The following UMAD1 variants were observed in gnomAD, a reference collection of about 807,000 sequenced individuals.
UMAD1 encodes the protein UBAP1-MVB12-associated (UMA) domain containing 1.
A neutral mutation model predicts 6.1 loss-of-function variants in UMAD1; 8 were observed. The observed-to-expected ratio is 1.30, with a 90% confidence interval of 0.76 to 2.35. The LOEUF (loss-of-function observed/expected upper bound fraction) is 2.35. Ranked by LOEUF, UMAD1 falls within the 30% of genes most tolerant of loss-of-function variation. The probability of loss-of-function intolerance (pLI) is 0.00; values close to 1 mark genes in which losing one functional copy is unlikely to be tolerated. For missense variants in UMAD1, 130 were observed against 78.4 expected (o/e 1.66, Z -2.49); for synonymous variants, 56 against 31.4 (o/e 1.78, Z -2.61).
At chr7:7,701,426 A>G (rs1357975221) in intron 2 of UMAD1, among the ~76,000 whole-genome samples, 1 of 152,192 alleles carries the variant, frequency 6.6e-6, no homozygotes, top group Non-Finnish European at 1.5e-5. Context: ...AATTAGTAAT[A>G]CTGGAACTGT....
intron 2 of UMAD1, among the ~76,000 whole-genome samples, chr7:7,733,867 A>G (rs1013127723): frequency 2.0e-5 from 3 of 152,042 alleles, no homozygotes; most frequent in Non-Finnish European, 2.9e-5. Context: ...GACTTCTGTC[A>G]CACATAATAT....
intron 2 of UMAD1, among the ~76,000 whole-genome samples, chr7:7,767,376 C>T (rs557081920): frequency 7.7e-4 from 98 of 127,072 alleles, no homozygotes; most frequent in African/African-American, 2.2e-3. Context: ...CCGCCTGCCT[C>T]GGTCTCCCAA....
chr7:7,741,851 A>G (rs1781474985), intron 2 of UMAD1: 1 of 201,948 alleles, frequency 5.0e-6, no homozygotes, highest in Non-Finnish European at 1.0e-5. Context: ...CTTATTAAAA[A>G]TAGAACACCT....
chr7:7,658,454 A>G (rs1425073451), intron 1 of UMAD1, among the ~76,000 whole-genome samples: 1 of 152,234 alleles, frequency 6.6e-6, no homozygotes, highest in Non-Finnish European at 1.5e-5. Context: ...GGTTTGTCAT[A>G]AATAGCTCTT....
intron 2 of UMAD1, among the ~76,000 whole-genome samples, chr7:7,789,617 T>TC (rs201727587): frequency 0.019 from 1,903 of 100,506 alleles, 63 homozygotes; most frequent in African/African-American, 0.062. Context: ...AAATACCCCT[T>TC]CTCCCCTCCC....
chr7:7,864,096 C>G (rs1303201640), intron 3 of UMAD1, among the ~76,000 whole-genome samples: 1 of 152,168 alleles, frequency 6.6e-6, no homozygotes, highest in East Asian at 1.9e-4. Flanking sequence ...TCCTTTCAAC[C>G]ATGCCCGATT....
At chr7:7,789,570 T>A (rs1782527232) in intron 2 of UMAD1, among the ~76,000 whole-genome samples, 1 of 151,390 alleles carries the variant, frequency 6.6e-6, no homozygotes, top group African/African-American at 2.5e-5. Context: ...ACAACAGATC[T>A]CTAGAACTAA....
At chr7:7,872,271 T>C (rs772459054) in intron 3 of UMAD1, among the ~76,000 whole-genome samples, 2 of 152,190 alleles carry the variant, frequency 1.3e-5, no homozygotes, top group Admixed American at 1.3e-4. Context: ...AAAGTTATGC[T>C]TACACTATAT....
chr7:7,802,479 T>C (rs1782823304), intron 3 of UMAD1, among the ~76,000 whole-genome samples: 1 of 152,386 alleles, frequency 6.6e-6, no homozygotes, highest in Non-Finnish European at 1.5e-5. Flanking sequence ...GGGTATTTAT[T>C]CTTTTTCACA....
intron 2 of UMAD1, among the ~76,000 whole-genome samples, chr7:7,674,592 T>C (rs1779691193): frequency 6.6e-6 from 1 of 152,188 alleles, no homozygotes; most frequent in Non-Finnish European, 1.5e-5. Flanking sequence ...ATAGTGGGGC[T>C]TAGTCTTTGA....
At chr7:7,742,305 TG>T in intron 2 of UMAD1, 1 of 638,838 alleles carries the variant, frequency 1.6e-6, no homozygotes, top group East Asian at 3.0e-5. Context: ...GCCGACTCAG[TG>T]GTCAGCGGAA....
In UMAD1 at chr7:7,726,526, A is replaced by G. The variant is rs566198269; in HGVS notation, c.82+53073A>G. On this transcript the variant is annotated intron_variant, in intron 2 of 3. Transcript: ENST00000682710. ...CAGAAGGCCGTGTATGCTCTGAATCAGTGTCCAATATATGGTACTGTTTCT... is the reference window on the plus strand; with the variant it reads ...CAGAAGGCCGTGTATGCTCTGAATCGGTGTCCAATATATGGTACTGTTTCT... Among the ~76,000 whole-genome samples the G allele has an allele frequency of 7.2e-5, 11 of 152,354 alleles. No individual in the cohort carries two copies. In the East Asian group the frequency reaches 2.1e-3, roughly 29 times the overall value.
At chr7:7,733,538 G>T (rs1781295327) in intron 2 of UMAD1, among the ~76,000 whole-genome samples, 1 of 149,088 alleles carries the variant, frequency 6.7e-6, no homozygotes, top group Non-Finnish European at 1.5e-5. Context: ...GACATGAAAT[G>T]AGTGATACAC....
chr7:7,750,950 C>T (rs1458444156), intron 2 of UMAD1, among the ~76,000 whole-genome samples: 1 of 152,086 alleles, frequency 6.6e-6, no homozygotes, highest in African/African-American at 2.4e-5. Context: ...GTAATGACCC[C>T]CATAATACTT....
At chr7:7,695,623 ACT>A (rs1436595589) in intron 2 of UMAD1, among the ~76,000 whole-genome samples, 1 of 152,104 alleles carries the variant, frequency 6.6e-6, no homozygotes, top group East Asian at 1.9e-4. Flanking sequence ...TGGAATTTCT[ACT>A]CACAGGATCT....
intron 3 of UMAD1, among the ~76,000 whole-genome samples, chr7:7,807,452 C>T (rs1782940274): frequency 6.6e-6 from 1 of 152,002 alleles, no homozygotes; most frequent in Non-Finnish European, 1.5e-5. Flanking sequence ...GTAGCGTGGC[C>T]TATGCTACAT....
At chr7:7,727,418 C>A (rs1367147991) in intron 2 of UMAD1, among the ~76,000 whole-genome samples, 1 of 152,026 alleles carries the variant, frequency 6.6e-6, no homozygotes, top group Non-Finnish European at 1.5e-5. Context: ...ATAATTATGA[C>A]CTTATTATTG....
At chr7:7,825,372 A>G (rs1470827006) in intron 3 of UMAD1, among the ~76,000 whole-genome samples, 2 of 152,164 alleles carry the variant, frequency 1.3e-5, no homozygotes, top group Non-Finnish European at 2.9e-5. Context: ...CTGCTGATAA[A>G]AACATACCTG....
intron 2 of UMAD1, among the ~76,000 whole-genome samples, chr7:7,790,188 C>A (rs541451271): frequency 2.0e-5 from 3 of 152,154 alleles, no homozygotes; most frequent in Non-Finnish European, 4.4e-5. Flanking sequence ...TTAGGCCTTT[C>A]ACCAGACTTT....
Sources: allele counts gnomAD v4.1 joint callset (sites outside exome capture counted in the v4.1 genomes callset), GRCh38; gene constraint gnomAD v4.1.1; transcripts MANE v1.5; gene names NCBI Gene and HGNC (gene_info 2026-07-23, HGNC 2026-07-21).